Variants in ASPSCR1 observed in about 807,000 individuals in gnomAD.
The protein encoded by ASPSCR1 is ASPSCR1 tether for SLC2A4, UBX domain containing, also known as tether containing UBX domain for GLUT4.
Under a neutral mutation model 68.9 loss-of-function variants are expected in ASPSCR1, and 55 were observed. That is an observed-to-expected ratio of 0.80 (90% CI 0.64 to 1.00). ASPSCR1 has a LOEUF of 1.00. Ranked by LOEUF, ASPSCR1 falls within the 50% of genes least tolerant of loss-of-function variation. The pLI is 0.00. For missense variants in ASPSCR1, 765 were observed against 762.2 expected (o/e 1.00, Z -0.04); for synonymous variants, 352 against 332.6 (o/e 1.06, Z -0.63).
intron 7 of ASPSCR1, among the ~76,000 whole-genome samples, chr17:82,000,251 T>A (rs2042483506): frequency 6.6e-6 from 1 of 152,194 alleles, no homozygotes; most frequent in Admixed American, 6.5e-5. Context: ...GCGTGGGGCG[T>A]GGAGCATGGG....
intron 4 of ASPSCR1, among the ~76,000 whole-genome samples, chr17:81,989,651 CT>C (rs1037368707): frequency 6.6e-6 from 1 of 152,146 alleles, no homozygotes; most frequent in African/African-American, 2.4e-5. Flanking sequence ...TTGGGGACCC[CT>C]GGGTGATTTC....
rs1255752267 is a variant in ASPSCR1 at position 81,996,491 on chromosome 17, A to G, written c.578A>G (p.Gln193Arg). The G allele has an allele frequency of 6.2e-7, 1 of 1,611,318 alleles. No homozygotes were observed. Among genetic ancestry groups the G allele is most frequent in the Non-Finnish European group, 8.5e-7 (1 of 1,179,134 alleles). The change falls in exon 7 of 16, where the codon CAG (glutamine) becomes CGG (arginine). Residue 193 changes from glutamine to arginine, a missense_variant. Physicochemically the swap from Gln to Arg is conservative, Grantham distance 43. Coordinates refer to ENST00000306739, the MANE Select transcript of ASPSCR1 (RefSeq NM_024083.4). Reference protein sequence around the residue: ...GSLGSSASAGQAAASAPLPLE... With the variant: ...GSLGSSASAGRAAASAPLPLE... ...CTGGGCTCGTCAGCGTCGGCTGGCC[A>G]GGCAGCCGCCAGCGCTCCACTTCCC...
intron 5 of ASPSCR1, 29 bp downstream of exon 5, chr17:81,994,907 C>A: frequency 6.3e-7 from 1 of 1,591,818 alleles, no homozygotes. Flanking sequence ...CTCACCCAGT[C>A]CCCGCTCACT....
At chr17:81,988,198 C>T (rs1381076596) in intron 4 of ASPSCR1, among the ~76,000 whole-genome samples, 1 of 150,604 alleles carries the variant, frequency 6.6e-6, no homozygotes. Flanking sequence ...TGATGGCTCA[C>T]GCCTGTAATT....
chr17:81,984,948 C>T (rs566796493), intron 3 of ASPSCR1, among the ~76,000 whole-genome samples: 17 of 125,430 alleles, frequency 1.4e-4, no homozygotes, highest in Admixed American at 8.8e-4. Context: ...CGCACACACC[C>T]GCACACACCC....
rs1367122559 is a variant in ASPSCR1 at position 81,996,123 on chromosome 17, CAAAG to C, written c.506+59_506+62del. On this transcript the variant is annotated intron_variant, in intron 6 of 15. Transcript: ENST00000306739. ...ATTTAGCTAAAAAAAAAAGTGGTCT[CAAAG>C]GAAAGGAGAAAGGACACGTGGCAAG... is the stretch of plus-strand genomic sequence containing the variant. 17 of 1,506,510 alleles carry C rather than the reference CAAAG, an allele frequency of 1.1e-5. No individual in the cohort carries two copies. The East Asian group carries it at 3.3e-4, about 29-fold the overall frequency. The allele number at this position is 1,506,510 out of a possible 1,614,324, so 93.3% of individuals were successfully genotyped here.
At chr17:81,995,189 G>A (rs2042296577) in intron 5 of ASPSCR1, 5 of 478,442 alleles carry the variant, frequency 1.0e-5, no homozygotes, top group Middle Eastern at 1.1e-3. Flanking sequence ...GTGGCGTGGC[G>A]CAAGCAAAGC....
intron 7 of ASPSCR1, chr17:82,005,621 C>T (rs2042686927): frequency 6.6e-6 from 1 of 152,238 alleles, no homozygotes; most frequent in Non-Finnish European, 1.5e-5. Flanking sequence ...GTTTGGGCCT[C>T]ATTCCCCGCT....
Position 81,985,615 on chromosome 17 carries a change from T to C in ASPSCR1, c.374+8T>C. 1.2e-6 allele frequency: 2 copies of C among 1,612,252 alleles called. No individual in the cohort carries two copies. Among genetic ancestry groups the C allele is most frequent in the Non-Finnish European group, 1.7e-6 (2 of 1,178,554 alleles). ...CCATTTTCCACAGATCAGGTGAGCA[T>C]CAGTGGGCTGGGGGCTCTTCCCTAC... On this transcript the variant is annotated splice_region_variant and intron_variant, in intron 4 of 15. Coordinates refer to ENST00000306739, the MANE Select transcript of ASPSCR1 (RefSeq NM_024083.4).
chr17:81,977,813 A>G lies in ASPSCR1; in HGVS notation c.102+65A>G, dbSNP rs2041652151. The G allele has an allele frequency of 2.6e-6, 3 of 1,151,270 alleles. No homozygotes were observed. The highest frequency in any genetic ancestry group is 7.2e-5 in the East Asian group (2 of 27,956). 71.3% of individuals were successfully genotyped at this position (1,151,270 alleles called of 1,614,324 possible). ...GGGGCGCTGCGCCGAGGCCCCGCCC[A>G]TTGCGGTCGGCGTCCCGGTGTTCGG... On this transcript the variant is annotated intron_variant, in intron 1 of 15. Coordinates refer to ENST00000306739, the MANE Select transcript of ASPSCR1 (RefSeq NM_024083.4). This position sits in a 1 kb window ranked among gnomAD's most constrained non-coding sequence, Gnocchi z 5.0.
At chr17:81,988,799 C>T (rs1427832091) in intron 4 of ASPSCR1, among the ~76,000 whole-genome samples, 1 of 152,108 alleles carries the variant, frequency 6.6e-6, no homozygotes, top group Non-Finnish European at 1.5e-5. Context: ...CTCAGGGCAT[C>T]CCGGGCAGGG....
At position 81,987,801 on chromosome 17, in the gene ASPSCR1, C is replaced by G. The variant is rs548841432; in HGVS notation, c.374+2194C>G. Among the ~76,000 whole-genome samples the G allele has an allele frequency of 3.3e-5, 5 of 151,032 alleles. No individual in the cohort carries two copies. Among genetic ancestry groups the G allele is most frequent in the South Asian group, 4.2e-4 (2 of 4,784 alleles). ...GGAGGAGGTTGCAGTGAGCCGAGAT[C>G]GCACCATTGCACTCTAGCCTGGGTG... On this transcript the variant is annotated intron_variant, in intron 4 of 15. Transcript: ENST00000306739. This position sits in a 1 kb window ranked among gnomAD's most constrained non-coding sequence, Gnocchi z 5.6.
intron 9 of ASPSCR1, 48 bp downstream of exon 9, chr17:82,009,615 C>T (rs1420712212): frequency 6.6e-7 from 1 of 1,519,784 alleles, no homozygotes; most frequent in Non-Finnish European, 8.9e-7. Context: ...TCTGAGGGGG[C>T]CCCCCGTGAG....
chr17:82,000,261 G>A (rs2042483713), intron 7 of ASPSCR1, among the ~76,000 whole-genome samples: 1 of 152,378 alleles, frequency 6.6e-6, no homozygotes, highest in East Asian at 1.9e-4. Context: ...TGGAGCATGG[G>A]GCTCGCAGCC....
In ASPSCR1 at chr17:82,011,567, G is replaced by A; in HGVS notation, c.1262G>A (p.Arg421Lys). 6.3e-7 allele frequency: 1 copy of A among 1,579,856 alleles called. No individual in the cohort carries two copies. Among genetic ancestry groups the A allele is most frequent in the Non-Finnish European group, 8.6e-7 (1 of 1,169,546 alleles). The change falls in exon 11 of 16, where the codon AGG becomes AAG. Residue 421 changes from arginine to lysine, a missense_variant. Transcript: ENST00000306739. ...GTGGGGGACTTGCGAGACTTCGTGA[G>A]GAGCCACCTGGGGAACCCCGAGCTG... ...ETVGDLRDFVRSHLGNPELSF... is the reference protein window; with the variant it reads ...ETVGDLRDFVKSHLGNPELSF...
intron 3 of ASPSCR1, 24 bp from the exon 4 acceptor site, chr17:81,985,483 T>C (rs1455772102): frequency 2.5e-6 from 4 of 1,609,242 alleles, no homozygotes; most frequent in Non-Finnish European, 3.4e-6. Flanking sequence ...CCTAAGGAAG[T>C]TTCTCATGTC....
intron 4 of ASPSCR1, among the ~76,000 whole-genome samples, chr17:81,991,914 C>T (rs558204039): frequency 3.0e-3 from 450 of 152,378 alleles, no homozygotes; most frequent in Middle Eastern, 0.014. Context: ...AGCACACAGC[C>T]GCGCCTTGCC....
At chr17:81,998,461 G>A (rs1262437773) in intron 7 of ASPSCR1, among the ~76,000 whole-genome samples, 2 of 152,048 alleles carry the variant, frequency 1.3e-5, no homozygotes, top group African/African-American at 2.4e-5. Context: ...GGATCGTGGC[G>A]ATCTTAGTAG....
intron 11 of ASPSCR1, 97 bp downstream of exon 11, chr17:82,011,702 C>T: frequency 7.3e-7 from 1 of 1,377,588 alleles, no homozygotes; most frequent in East Asian, 2.4e-5. Flanking sequence ...GTGGCAGCTT[C>T]TCCACAGGAG....
Sources: gnomAD v4.1 joint callset for allele counts (sites outside exome capture counted in the v4.1 genomes callset) on GRCh38, gnomAD v4.1.1 for gene constraint, Gnocchi (gnomAD v3.1) non-coding constraint, MANE v1.5 for transcripts, NCBI Gene and HGNC (gene_info 2026-07-23, HGNC 2026-07-21) for gene names.